CYP4F12: variants seen among roughly 807,000 people sequenced by gnomAD.
CYP4F12 encodes the protein cytochrome P450 family 4 subfamily F member 12, also known as cytochrome P450 4F12.
CYP4F12 carries 60 observed loss-of-function variants against 56.5 expected under a neutral mutation model. The ratio of observed to expected loss-of-function variants is 1.06; its 90% CI spans 0.86 to 1.32. CYP4F12 has a LOEUF of 1.32. CYP4F12 is among the 40% of genes most tolerant of loss of function. The pLI is 0.00. For synonymous variants in CYP4F12, 263 were observed against 264.9 expected, an observed-to-expected ratio of 0.99 and a Z score of 0.07; for missense variants, 711 against 683.5, an observed-to-expected ratio of 1.04 and a Z score of -0.45.
intron 9 of CYP4F12, among the ~76,000 whole-genome samples, chr19:15,692,900 T>C (rs640914): frequency 0.29 from 42,886 of 149,420 alleles, 6,567 homozygotes; most frequent in African/African-American, 0.4. Context: ...TTGGGGAAAC[T>C]CCATCTCTAC....
intron 7 of CYP4F12, 65 bp from the exon 8 acceptor site, chr19:15,684,749 GTA>G: frequency 7.6e-7 from 1 of 1,312,696 alleles, no homozygotes; most frequent in Non-Finnish European, 1.0e-6. Flanking sequence ...CTCAGAGATA[GTA>G]TAATTTGTGT....
At chr19:15,695,018 C>T (rs376694982) in intron 9 of CYP4F12, among the ~76,000 whole-genome samples, 2 of 152,104 alleles carry the variant, frequency 1.3e-5, no homozygotes, top group African/African-American at 4.8e-5. Flanking sequence ...ACCCAAAGGA[C>T]TATAAATCAT....
At chr19:15,685,545 G>A (rs1457866649) in intron 9 of CYP4F12, among the ~76,000 whole-genome samples, 3 of 152,172 alleles carry the variant, frequency 2.0e-5, no homozygotes, top group African/African-American at 7.2e-5. Context: ...TTGCTCAGGT[G>A]GGGAGGGAGA....
At chr19:15,673,389 TC>T (rs755152215) in intron 1 of CYP4F12, 139 bp from the exon 2 acceptor site, 5 of 947,604 alleles carry the variant, frequency 5.3e-6, no homozygotes, top group Non-Finnish European at 7.8e-6. Flanking sequence ...TTTCTGGACT[TC>T]AGATCTCAGC....
At chr19:15,680,807 T>C (rs10415331) in intron 5 of CYP4F12, 397,085 of 429,378 alleles carry the variant, frequency 0.92, 183,658 homozygotes, top group East Asian at 1. Flanking sequence ...TTGCTGATTA[T>C]AAACCACTTC....
intron 6 of CYP4F12, among the ~76,000 whole-genome samples, chr19:15,683,053 A>G (rs2007391643): frequency 6.6e-6 from 1 of 151,576 alleles, no homozygotes; most frequent in Admixed American, 6.6e-5. Context: ...TCTTTCTTAC[A>G]GGGTGAAAGA....
In CYP4F12 at chr19:15,673,140, C is replaced by A; in HGVS notation, c.-2+5C>A. On this transcript the variant is annotated splice_donor_5th_base_variant and intron_variant, in intron 1 of 12. Transcript: ENST00000550308. The stretch of plus-strand genomic sequence containing the variant: ...ACAAGCTGCTCCCGACAGAAGGTAC[C>A]AGGCTGGGGGTGGCAGGGCTGGAAG... 2.2e-6 allele frequency: 1 copy of A among 450,748 alleles called. No homozygotes were observed. Among genetic ancestry groups the A allele is most frequent in the South Asian group, 1.6e-5 (1 of 61,832 alleles). The allele number at this position is 450,748 out of a possible 1,614,324, so 27.9% of individuals were successfully genotyped here. A position where few individuals can be genotyped will look rare whatever the true frequency, so the allele number is the denominator to read the frequency against.
chr19:15,691,659 C>G (rs140521225), intron 9 of CYP4F12, among the ~76,000 whole-genome samples: 4 of 151,084 alleles, frequency 2.6e-5, no homozygotes, highest in African/African-American at 9.7e-5. Context: ...GTTCTTTTTT[C>G]TTATTTACTT....
chr19:15,695,652 C>A (rs1006062912), intron 9 of CYP4F12, among the ~76,000 whole-genome samples: 2 of 152,036 alleles, frequency 1.3e-5, no homozygotes, highest in African/African-American at 4.8e-5. Flanking sequence ...TGCTTTCTTG[C>A]CATAGACAAT....
chr19:15,686,718 G>C (rs2007625373), intron 9 of CYP4F12, among the ~76,000 whole-genome samples: 1 of 152,112 alleles, frequency 6.6e-6, no homozygotes, highest in African/African-American at 2.4e-5. Flanking sequence ...GGTCATATCT[G>C]GGCACCAGAA....
rs746430660 is a variant in CYP4F12 at position 15,680,436 on chromosome 19, C to T, written c.442C>T (p.Arg148Cys). 31 of 1,614,002 alleles carry T rather than the reference C, an allele frequency of 1.9e-5. No homozygotes were observed. Among genetic ancestry groups the T allele is most frequent in the African/African-American group, 2.7e-5 (2 of 74,906 alleles). The change falls in exon 5 of 13, where the codon CGT becomes TGT. Residue 148 changes from arginine to cysteine, a missense_variant. Transcript: ENST00000550308. ...LSGGDKWSRHRRMLTPAFHFN... is the reference protein window; with the variant it reads ...LSGGDKWSRHCRMLTPAFHFN... Reference sequence around the variant, plus strand: ...TGGCGGTGACAAGTGGAGCCGCCACCGTCGGATGCTGACGCCCGCCTTCCA... The same window carrying T: ...TGGCGGTGACAAGTGGAGCCGCCACTGTCGGATGCTGACGCCCGCCTTCCA...
At chr19:15,678,481 T>C in intron 3 of CYP4F12, 76 bp downstream of exon 3, 14 of 1,566,818 alleles carry the variant, frequency 8.9e-6, no homozygotes, top group Non-Finnish European at 1.1e-5. Flanking sequence ...ACGTCCCTCC[T>C]TGAGTACTCG....
chr19:15,694,482 T>C (rs1246218978), intron 9 of CYP4F12, among the ~76,000 whole-genome samples: 1 of 137,212 alleles, frequency 7.3e-6, no homozygotes, highest in Non-Finnish European at 1.6e-5. Flanking sequence ...ATGATTTGGC[T>C]CTCTGTTTGT....
rs368932325 is a variant in CYP4F12, at chr19:15,673,615, G to C, written c.86G>C (p.Trp29Ser). 4 of 1,614,136 alleles carry C rather than the reference G, an allele frequency of 2.5e-6. No homozygotes were observed. The highest frequency in any genetic ancestry group is 3.4e-6 in the Non-Finnish European group (4 of 1,180,014). The change falls in exon 2 of 13, where the codon TGG becomes TCG. Residue 29 changes from tryptophan (W) to serine (S), a missense_variant. By Grantham distance (177) the Trp-to-Ser change is radical (BLOSUM62 -3). Transcript: ENST00000550308. ...WLLLLLVVGS[W>S]LLARILAWTY... The stretch of plus-strand genomic sequence containing the variant: ...CTCCTGCTGCTGGTTGTGGGCTCCT[G>C]GCTACTCGCCCGCATCCTGGCTTGG...
intron 9 of CYP4F12, among the ~76,000 whole-genome samples, chr19:15,689,127 A>AAATAATAATAATAATAATAATAAT (rs796158245): frequency 5.6e-5 from 5 of 89,242 alleles, no homozygotes; most frequent in African/African-American, 2.7e-4. Context: ...CTGCACAACA[A>AAATAATAATAATAATAATAATAAT]AATAATAATA....
intron 9 of CYP4F12, among the ~76,000 whole-genome samples, chr19:15,695,283 C>T (rs1408314854): frequency 7.1e-6 from 1 of 140,440 alleles, no homozygotes; most frequent in Non-Finnish European, 1.5e-5. Context: ...TGTTCTCACT[C>T]ATAGGTGGGA....
At position 15,692,735 on chromosome 19, in the gene CYP4F12, C is replaced by T. The variant is rs570680605; in HGVS notation, c.1116-3201C>T. Among the ~76,000 whole-genome samples the T allele has an allele frequency of 7.9e-5, 12 of 152,172 alleles. No homozygotes were observed. In the South Asian group the frequency reaches 2.1e-3, roughly 26 times the overall value. ...CAGAGTAGGGATAACCTTATTTTGA[C>T]GTAAGTCCCAGGGGCTATGAAAAAG... On this transcript the variant is annotated intron_variant, in intron 9 of 12. Transcript: ENST00000550308.
intron 9 of CYP4F12, among the ~76,000 whole-genome samples, chr19:15,693,513 T>C (rs2007973732): frequency 7.1e-6 from 1 of 140,358 alleles, no homozygotes; most frequent in Non-Finnish European, 1.5e-5. Flanking sequence ...TCTGTTCATG[T>C]CCTTCGCCCA....
Position 15,673,567 on chromosome 19 carries a change from C to T in CYP4F12, c.38C>T (p.Pro13Leu), listed in dbSNP as rs16995376. 0.24 allele frequency: 384,930 copies of T among 1,613,556 alleles called. 47,145 individuals are homozygous for T. The highest frequency in any genetic ancestry group is 0.36 in the African/African-American group (26,601 of 74,752). Residue 13 changes from proline (P) to leucine (L), a missense_variant, in exon 2 of 13, where the codon CCG (proline) becomes CTG (leucine). Coordinates refer to ENST00000550308, the MANE Select transcript of CYP4F12 (RefSeq NM_023944.4). Reference protein sequence around the residue: ...LLSLPWLGLRPVATSPWLLLL... With the variant: ...LLSLPWLGLRLVATSPWLLLL... ...AGCCTGCCCTGGCTGGGCCTCAGACCGGTGGCAACGTCCCCATGGCTACTC... is the reference window on the plus strand; with the variant it reads ...AGCCTGCCCTGGCTGGGCCTCAGACTGGTGGCAACGTCCCCATGGCTACTC...
Sources: gnomAD v4.1 joint callset for allele counts (sites outside exome capture counted in the v4.1 genomes callset) on GRCh38, gnomAD v4.1.1 for gene constraint, MANE v1.5 for transcripts, NCBI Gene and HGNC (gene_info 2026-07-23, HGNC 2026-07-21) for gene names.